Variants in VTI1A observed in about 807,000 individuals in gnomAD.
VTI1A encodes vesicle transport through interaction with t-SNAREs 1A.
In VTI1A, 22 loss-of-function variants were observed where a neutral mutation model predicts 34.9. That is an observed-to-expected ratio of 0.63 (90% confidence interval 0.45 to 0.90). The LOEUF (loss-of-function observed/expected upper bound fraction) is 0.90. VTI1A is among the 40% of genes least tolerant of loss of function. The pLI, the probability that VTI1A is intolerant of heterozygous loss-of-function variation, is 0.00. For synonymous variants in VTI1A, 87 were observed against 97.3 expected (o/e 0.89, Z 0.62); for missense variants, 268 against 275.6 (o/e 0.97, Z 0.20).
chr10:112,844,559 C>T, the VTI1A span, among the ~76,000 whole-genome samples: 9 of 152,260 alleles, frequency 5.9e-5, no homozygotes, highest in African/African-American at 1.7e-4. Flanking sequence ...CCACCACGCC[C>T]GGCTAATTTT....
chr10:112,825,304 C>T, the VTI1A span: 1 of 152,680 alleles, frequency 6.5e-6, no homozygotes, highest in African/African-American at 2.4e-5. Flanking sequence ...CCAACCTGCC[C>T]CCAACCTGGG....
intron 5 of VTI1A, among the ~76,000 whole-genome samples, chr10:112,543,672 T>A (rs972090128): frequency 6.6e-6 from 1 of 152,250 alleles, no homozygotes; most frequent in African/African-American, 2.4e-5. Flanking sequence ...GTGCAGAAGC[T>A]CTTTAGCTTA....
At chr10:112,742,475 A>G (rs1179192524) in intron 7 of VTI1A, among the ~76,000 whole-genome samples, 1 of 152,244 alleles carries the variant, frequency 6.6e-6, no homozygotes, top group African/African-American at 2.4e-5. Context: ...TCCCTAGGGC[A>G]TAAGAAACCC....
chr10:112,585,124 G>A lies in VTI1A; in HGVS notation c.427+46794G>A, dbSNP rs561355885. Among the ~76,000 whole-genome samples, 38 of 152,300 alleles carry A rather than the reference G, an allele frequency of 2.5e-4. No individual in the cohort carries two copies. The South Asian group carries it at 7.9e-3, about 32-fold the overall frequency. On this transcript the variant is annotated intron_variant, in intron 5 of 7. Transcript: ENST00000393077. ...TATAATGCTACTGGGAACCATCCCA[G>A]TTTTAATAAAGGGCCACACAGAAGA... is the stretch of plus-strand genomic sequence containing the variant.
At chr10:112,468,034 A>G (rs745977998) in intron 3 of VTI1A, among the ~76,000 whole-genome samples, 2 of 152,238 alleles carry the variant, frequency 1.3e-5, no homozygotes, top group Non-Finnish European at 2.9e-5. Context: ...AAATGAATAG[A>G]GAGTGACCAG....
At chr10:112,452,280 A>G (rs1219852576) in intron 1 of VTI1A, among the ~76,000 whole-genome samples, 1 of 152,194 alleles carries the variant, frequency 6.6e-6, no homozygotes, top group Non-Finnish European at 1.5e-5. Flanking sequence ...AAAAAATTTA[A>G]GCATTTAGGG....
chr10:112,675,625 C>T lies in VTI1A; in HGVS notation c.560+6627C>T, dbSNP rs1414455164. ...AACCAGAACCGAGAAATAACAACAC[C>T]GTGCAGCAGAAGAATCTATAATCTC... On this transcript the variant is annotated intron_variant, in intron 7 of 7. Coordinates refer to ENST00000393077, the MANE Select transcript of VTI1A (RefSeq NM_145206.4). 2.0e-5 allele frequency among the ~76,000 whole-genome samples: 3 copies of T among 152,150 alleles called. No individual in the cohort carries two copies. In the South Asian group the frequency reaches 6.2e-4, roughly 32 times the overall value.
chr10:112,558,759 G>A (rs758286089), intron 5 of VTI1A, among the ~76,000 whole-genome samples: 12 of 152,282 alleles, frequency 7.9e-5, no homozygotes, highest in African/African-American at 1.4e-4. Context: ...ACTCTCTCTC[G>A]ATTTTTCTTT....
chr10:112,463,143 T>A (rs187948261), intron 2 of VTI1A, among the ~76,000 whole-genome samples: 127 of 152,284 alleles, frequency 8.3e-4, no homozygotes, highest in Admixed American at 8.2e-3. Flanking sequence ...CAGGCTAGTC[T>A]CAAACTCCTG....
chr10:112,545,783 T>C (rs1025390354), intron 5 of VTI1A, among the ~76,000 whole-genome samples: 1 of 152,216 alleles, frequency 6.6e-6, no homozygotes, highest in African/African-American at 2.4e-5. Context: ...AGTCTGTGTT[T>C]ATTCAAACTG....
chr10:112,686,912 G>A (rs796765134), intron 7 of VTI1A, among the ~76,000 whole-genome samples: 7 of 152,208 alleles, frequency 4.6e-5, no homozygotes, highest in African/African-American at 1.7e-4. Flanking sequence ...TTTTTCTTTA[G>A]GGGCACTGTG....
At chr10:112,508,840 T>G (rs923780322) in intron 3 of VTI1A, among the ~76,000 whole-genome samples, 2 of 152,156 alleles carry the variant, frequency 1.3e-5, no homozygotes, top group Non-Finnish European at 2.9e-5. Context: ...AAAGGGTGAA[T>G]GGGAACGTAA....
chr10:112,571,588 A>G (rs1852123302), intron 5 of VTI1A, among the ~76,000 whole-genome samples: 1 of 152,304 alleles, frequency 6.6e-6, no homozygotes, highest in Admixed American at 6.5e-5. Context: ...AGATTTCTCA[A>G]AGAACTAAGA....
chr10:112,594,848 G>A (rs1301908530), intron 5 of VTI1A, among the ~76,000 whole-genome samples: 3 of 151,644 alleles, frequency 2.0e-5, no homozygotes, highest in Non-Finnish European at 4.4e-5. Flanking sequence ...AACCCGCATC[G>A]CCAAGTCAAT....
intron 7 of VTI1A, among the ~76,000 whole-genome samples, chr10:112,753,368 G>T (rs898598836): frequency 6.6e-6 from 1 of 152,040 alleles, no homozygotes; most frequent in Non-Finnish European, 1.5e-5. Flanking sequence ...AAGGGATTAA[G>T]TTTGTCTTTT....
At chr10:112,836,258 T>C in the VTI1A span, among the ~76,000 whole-genome samples, 65 of 152,282 alleles carry the variant, frequency 4.3e-4, no homozygotes, top group African/African-American at 1.5e-3. Context: ...TGAAACTAAG[T>C]CTTTGATTTC....
At chr10:112,572,842 CAAAAA>C (rs35922968) in intron 5 of VTI1A, among the ~76,000 whole-genome samples, 7 of 131,888 alleles carry the variant, frequency 5.3e-5, no homozygotes, top group Admixed American at 7.5e-5. Flanking sequence ...CCGTCTCAAC[CAAAAA>C]AAAAAAAAAA....
Position 112,761,783 on chromosome 10 carries a change from T to TGTGC in VTI1A, c.561-53504_561-53503insCGTG, listed in dbSNP as rs1851473668. 2.6e-5 allele frequency among the ~76,000 whole-genome samples: 4 copies of TGTGC among 151,720 alleles called. No homozygotes were observed. The South Asian group carries it at 8.3e-4, about 32-fold the overall frequency. ...CTCTTTCTTTCTCTGTGTGTGTGTG[T>TGTGC]GTGTGTGTGTGTGTGTATGTATATG... On this transcript the variant is annotated intron_variant, in intron 7 of 7. Coordinates refer to ENST00000393077, the MANE Select transcript of VTI1A (RefSeq NM_145206.4).
chr10:112,584,367 T>C (rs1844068191), intron 5 of VTI1A, among the ~76,000 whole-genome samples: 1 of 152,188 alleles, frequency 6.6e-6, no homozygotes, highest in Non-Finnish European at 1.5e-5. Flanking sequence ...CAAGCCATTT[T>C]TCAGGGCACT....
Sources: gnomAD v4.1 joint callset for allele counts (sites outside exome capture counted in the v4.1 genomes callset) on GRCh38, gnomAD v4.1.1 for gene constraint, MANE v1.5 for transcripts, NCBI Gene and HGNC (gene_info 2026-07-23, HGNC 2026-07-21) for gene names.